UNC5D: variants seen among roughly 807,000 people sequenced by gnomAD.
The protein encoded by UNC5D is netrin receptor UNC5D.
Under a neutral mutation model 105.4 loss-of-function variants are expected in UNC5D, and 39 were observed. The observed-to-expected ratio is 0.37, with a 90% CI of 0.29 to 0.48. The LOEUF is 0.48. Among genes scored for constraint, UNC5D ranks in the 20% least tolerant of loss-of-function variants. The pLI, the probability that UNC5D is intolerant of heterozygous loss-of-function variation, is 0.98. For missense variants in UNC5D, 991 were observed against 1,202.4 expected (o/e 0.82, Z 2.60); for synonymous variants, 452 against 450.4 (o/e 1.00, Z -0.04).
chr8:35,751,498 A>G (rs1830281643), intron 13 of UNC5D, among the ~76,000 whole-genome samples: 1 of 152,238 alleles, frequency 6.6e-6, no homozygotes, highest in Non-Finnish European at 1.5e-5. Flanking sequence ...AAGTTAAACT[A>G]TAATATAAGC....
rs568734061 is a variant in UNC5D at position 35,696,464 on chromosome 8, C to T, written c.1085-9465C>T. 2.2e-4 allele frequency among the ~76,000 whole-genome samples: 34 copies of T among 151,906 alleles called. No individual in the cohort carries two copies. The South Asian group carries it at 7.1e-3, about 32-fold the overall frequency. ...TTAATCAGGATTCAACAGCACAAAA[C>T]CCCGGGTAAGAAATATTAGTCTGGA... On this transcript the variant is annotated intron_variant, in intron 7 of 16. Coordinates refer to ENST00000404895, the MANE Select transcript of UNC5D (RefSeq NM_080872.4).
At chr8:35,398,920 C>T (rs1352881373) in intron 1 of UNC5D, among the ~76,000 whole-genome samples, 4 of 151,982 alleles carry the variant, frequency 2.6e-5, no homozygotes, top group African/African-American at 9.7e-5. Context: ...CTTTGGGAGG[C>T]TGAGGTGGGC....
chr8:35,236,043 G>A (rs773451545), intron 1 of UNC5D, among the ~76,000 whole-genome samples, 156 bp downstream of exon 1: 1 of 152,206 alleles, frequency 6.6e-6, no homozygotes, highest in Non-Finnish European at 1.5e-5. Context: ...AGGACTCCGA[G>A]GGGACCACAG....
chr8:35,364,499 G>A (rs1031184049), intron 1 of UNC5D, among the ~76,000 whole-genome samples: 35 of 152,080 alleles, frequency 2.3e-4, no homozygotes, highest in Non-Finnish European at 2.4e-4. Flanking sequence ...CCTGGAATTA[G>A]GGTGTTTTAC....
intron 1 of UNC5D, among the ~76,000 whole-genome samples, chr8:35,295,981 A>G (rs1807455970): frequency 6.6e-6 from 1 of 152,096 alleles, no homozygotes; most frequent in South Asian, 2.1e-4. Flanking sequence ...AGGTTCATCT[A>G]TGTTGTCACA....
At chr8:35,364,651 C>A (rs916568432) in intron 1 of UNC5D, among the ~76,000 whole-genome samples, 1 of 152,108 alleles carries the variant, frequency 6.6e-6, no homozygotes, top group Non-Finnish European at 1.5e-5. Flanking sequence ...CATACACATG[C>A]ACATACATAC....
chr8:35,538,398 TATATATATATATATATATATATATA>T (rs1815008500), intron 1 of UNC5D, among the ~76,000 whole-genome samples: 1 of 19,150 alleles, frequency 5.2e-5, no homozygotes, highest in Admixed American at 8.3e-4. Flanking sequence ...AAAATAATTA[TATATATATATATATATATATATATA>T]TATATATATA....
In UNC5D at chr8:35,551,220, G is replaced by A. The variant is rs529911124; in HGVS notation, c.322+1710G>A. On this transcript the variant is annotated intron_variant, in intron 2 of 16. Transcript: ENST00000404895. ...GAAGGTAAGAACTGGTTCAAGAGTC[G>A]GGAGGCTACAGAAATAACAACCAGA... 5.3e-5 allele frequency among the ~76,000 whole-genome samples: 8 copies of A among 152,224 alleles called. No individual in the cohort carries two copies. In the East Asian group the frequency reaches 5.8e-4, roughly 11 times the overall value.
At chr8:35,420,796 T>C (rs963194432) in intron 1 of UNC5D, among the ~76,000 whole-genome samples, 7 of 151,996 alleles carry the variant, frequency 4.6e-5, no homozygotes, top group Admixed American at 3.9e-4. Context: ...GAATAAAGTA[T>C]ATATATTTCT....
chr8:35,313,170 T>A (rs1425477211), intron 1 of UNC5D, among the ~76,000 whole-genome samples: 1 of 152,232 alleles, frequency 6.6e-6, no homozygotes, highest in South Asian at 2.1e-4. Context: ...ACTGTGCTTT[T>A]CTTAAAATAC....
chr8:35,241,148 C>T (rs1026814320), intron 1 of UNC5D, among the ~76,000 whole-genome samples: 2 of 152,192 alleles, frequency 1.3e-5, no homozygotes, highest in Non-Finnish European at 2.9e-5. Context: ...TGCTGCTGCT[C>T]TTGTGAGGCA....
intron 1 of UNC5D, among the ~76,000 whole-genome samples, chr8:35,315,620 A>G (rs1809238784): frequency 6.6e-6 from 1 of 152,200 alleles, no homozygotes; most frequent in Non-Finnish European, 1.5e-5. Flanking sequence ...CCCAGATTGA[A>G]GTATGTGAGA....
chr8:35,721,015 A>G (rs1047398861), intron 8 of UNC5D, among the ~76,000 whole-genome samples: 2 of 152,116 alleles, frequency 1.3e-5, no homozygotes, highest in Non-Finnish European at 2.9e-5. Context: ...GGTTAGTATT[A>G]CTCATTTGAT....
At position 35,743,458 on chromosome 8, in the gene UNC5D, A is replaced by G. The variant is rs1028188839; in HGVS notation, c.1767-5069A>G. ...CTAATTTTTCTATTTTTTTCTCTCC[A>G]GTAGAGATGGGGTCTCACCATGTTG... is the stretch of plus-strand genomic sequence containing the variant. On this transcript the variant is annotated intron_variant, in intron 11 of 16. Coordinates refer to ENST00000404895, the MANE Select transcript of UNC5D (RefSeq NM_080872.4). 6.3e-4 allele frequency among the ~76,000 whole-genome samples: 96 copies of G among 151,372 alleles called. 2 individuals carry two copies. Among genetic ancestry groups the G allele is most frequent in the Admixed American group, 6.3e-3 (96 of 15,164 alleles).
At chr8:35,719,648 C>T (rs542810818) in intron 8 of UNC5D, among the ~76,000 whole-genome samples, 7 of 152,304 alleles carry the variant, frequency 4.6e-5, no homozygotes, top group African/African-American at 1.4e-4. Context: ...TTAATTCATC[C>T]ATGCATCCTC....
At chr8:35,237,473 G>A (rs757054184) in intron 1 of UNC5D, among the ~76,000 whole-genome samples, 62 of 152,062 alleles carry the variant, frequency 4.1e-4, no homozygotes, top group Non-Finnish European at 1.6e-4. Context: ...ATACCTCACA[G>A]TCACTAACTC....
At chr8:35,589,009 C>T (rs1005702728) in intron 3 of UNC5D, among the ~76,000 whole-genome samples, 5 of 151,658 alleles carry the variant, frequency 3.3e-5, no homozygotes, top group African/African-American at 1.2e-4. Context: ...GGCCATTGCA[C>T]TCCAGCCTGG....
At chr8:35,354,372 T>C (rs1354402616) in intron 1 of UNC5D, among the ~76,000 whole-genome samples, 1 of 152,180 alleles carries the variant, frequency 6.6e-6, no homozygotes, top group East Asian at 1.9e-4. Flanking sequence ...TATGAGTTTA[T>C]GACATCTTTG....
chr8:35,722,100 T>A, intron 8 of UNC5D, 110 bp from the exon 9 acceptor site: 1 of 1,222,676 alleles, frequency 8.2e-7, no homozygotes, highest in Non-Finnish European at 1.2e-6. Context: ...TCTGTCATTG[T>A]CTCTGAGCAG....
Sources: allele counts gnomAD v4.1 joint callset (sites outside exome capture counted in the v4.1 genomes callset), GRCh38; gene constraint gnomAD v4.1.1; transcripts MANE v1.5; gene names NCBI Gene and HGNC (gene_info 2026-07-23, HGNC 2026-07-21).